UNC5C: variants seen among roughly 807,000 people sequenced by gnomAD.
The protein encoded by UNC5C is netrin receptor UNC5C.
A neutral mutation model predicts 99.8 loss-of-function variants in UNC5C; 47 were observed. The observed-to-expected ratio is 0.47, with a 90% confidence interval of 0.37 to 0.60. UNC5C has a LOEUF of 0.60. Ranked by LOEUF, UNC5C falls within the 20% of genes least tolerant of loss-of-function variation. The pLI, the probability that UNC5C is intolerant of heterozygous loss-of-function variation, is 0.00. For synonymous variants in UNC5C, 487 were observed against 452.2 expected (o/e 1.08, Z -0.98); for missense variants, 1,062 against 1,165.9 (o/e 0.91, Z 1.30).
intron 6 of UNC5C, among the ~76,000 whole-genome samples, chr4:95,243,803 G>A: frequency 6.6e-6 from 1 of 152,108 alleles, no homozygotes; most frequent in Non-Finnish European, 1.5e-5. Flanking sequence ...CATTTGCTTT[G>A]ACCTGCACCA....
At chr4:95,188,300 C>T (rs528843485) in intron 12 of UNC5C, among the ~76,000 whole-genome samples, 6 of 152,050 alleles carry the variant, frequency 3.9e-5, no homozygotes, top group African/African-American at 1.4e-4. Context: ...GGTATCGTTG[C>T]ACTAAAGACG....
intron 1 of UNC5C, among the ~76,000 whole-genome samples, chr4:95,377,037 T>C (rs1744916221): frequency 1.3e-5 from 2 of 152,206 alleles, no homozygotes; most frequent in Admixed American, 6.5e-5. Flanking sequence ...CACACTGGTA[T>C]AGGGAAATCA....
intron 1 of UNC5C, among the ~76,000 whole-genome samples, chr4:95,378,138 T>C (rs1267086360): frequency 6.6e-6 from 1 of 152,176 alleles, no homozygotes; most frequent in East Asian, 1.9e-4. Flanking sequence ...GAGTATCCTT[T>C]CATGGACAGG....
intron 2 of UNC5C, among the ~76,000 whole-genome samples, chr4:95,328,618 C>G (rs1042227399): frequency 2.1e-5 from 3 of 143,404 alleles, no homozygotes; most frequent in African/African-American, 7.6e-5. Context: ...ATTTCTAGTT[C>G]TAGATCCCTG....
At chr4:95,179,746 CAAAAAAA>C (rs33974336) in intron 14 of UNC5C, among the ~76,000 whole-genome samples, 22 of 98,500 alleles carry the variant, frequency 2.2e-4, no homozygotes, top group Non-Finnish European at 2.2e-4. Context: ...GACTCCTTCT[CAAAAAAA>C]AAAAAAAAAA....
rs560566568 is a variant in UNC5C, at chr4:95,381,743, T to C, written c.125-46112A>G. On this transcript the variant is annotated intron_variant, in intron 1 of 15. Transcript: ENST00000453304. ...ATGTATTGCATATACATTGATTAAA[T>C]GGCAATGTAAGTGCTTAGATTAAAA... Among the ~76,000 whole-genome samples the C allele has an allele frequency of 2.0e-5, 3 of 152,306 alleles. No individual in the cohort carries two copies. In the East Asian group the frequency reaches 5.8e-4, roughly 29 times the overall value.
At chr4:95,203,552 C>G (rs181592243) in intron 11 of UNC5C, among the ~76,000 whole-genome samples, 50 of 152,258 alleles carry the variant, frequency 3.3e-4, no homozygotes, top group African/African-American at 1.1e-3. Context: ...CCACTGCAAC[C>G]TCCGTCCCCT....
chr4:95,518,193 G>C (rs1330948032), intron 1 of UNC5C, among the ~76,000 whole-genome samples: 1 of 152,050 alleles, frequency 6.6e-6, no homozygotes, highest in Non-Finnish European at 1.5e-5. Flanking sequence ...TTTATGTTTG[G>C]CCTATGTGTC....
At chr4:95,201,822 T>C (rs1054569327) in intron 12 of UNC5C, among the ~76,000 whole-genome samples, 16 of 152,132 alleles carry the variant, frequency 1.1e-4, no homozygotes, top group Admixed American at 6.5e-4. Flanking sequence ...GCCAGGATGG[T>C]CTTGATCTCC....
intron 1 of UNC5C, among the ~76,000 whole-genome samples, chr4:95,377,859 A>G (rs1375584297): frequency 6.6e-6 from 1 of 152,150 alleles, no homozygotes; most frequent in Non-Finnish European, 1.5e-5. Flanking sequence ...AAAGAGTTAG[A>G]CAATATGTAT....
intron 1 of UNC5C, among the ~76,000 whole-genome samples, chr4:95,508,875 T>C (rs1357393524): frequency 6.6e-6 from 1 of 152,062 alleles, no homozygotes; most frequent in Admixed American, 6.6e-5. Flanking sequence ...AGTAAACATC[T>C]TCTTTCTTCC....
chr4:95,242,951 G>T (rs907566231), intron 6 of UNC5C, among the ~76,000 whole-genome samples: 3 of 152,126 alleles, frequency 2.0e-5, no homozygotes, highest in Non-Finnish European at 4.4e-5. Context: ...GCTCTCTTTG[G>T]ATCCAGGATT....
intron 3 of UNC5C, among the ~76,000 whole-genome samples, chr4:95,288,250 T>G (rs1393596643): frequency 6.6e-6 from 1 of 151,744 alleles, no homozygotes; most frequent in East Asian, 1.9e-4. Context: ...GCCTGGCTAA[T>G]TTTTTTGTAT....
chr4:95,380,473 T>C (rs1745038791), intron 1 of UNC5C, among the ~76,000 whole-genome samples: 1 of 148,274 alleles, frequency 6.7e-6, no homozygotes, highest in African/African-American at 2.5e-5. Context: ...AGAGACTAGG[T>C]CTCACTGTGT....
intron 1 of UNC5C, among the ~76,000 whole-genome samples, chr4:95,511,174 G>T (rs1012408192): frequency 6.6e-6 from 1 of 152,138 alleles, no homozygotes; most frequent in African/African-American, 2.4e-5. Context: ...TGCTGACCTT[G>T]TCAAATTAGC....
intron 1 of UNC5C, among the ~76,000 whole-genome samples, chr4:95,512,215 G>A (rs1039409382): frequency 2.6e-5 from 4 of 152,024 alleles, no homozygotes; most frequent in African/African-American, 9.7e-5. Flanking sequence ...GGGAACACAC[G>A]AAAATTGTGC....
chr4:95,344,185 C>T (rs1009663737), intron 1 of UNC5C, among the ~76,000 whole-genome samples: 1 of 151,844 alleles, frequency 6.6e-6, no homozygotes, highest in African/African-American at 2.4e-5. Context: ...AAAAAAGGAT[C>T]CTAAACGCAG....
intron 6 of UNC5C, among the ~76,000 whole-genome samples, chr4:95,243,158 TCTG>T (rs1262193527): frequency 2.6e-5 from 4 of 152,222 alleles, no homozygotes; most frequent in African/African-American, 9.6e-5. Context: ...CCTGCTTGAT[TCTG>T]CTGAAACCTG....
chr4:95,542,218 C>T (rs935885213), intron 1 of UNC5C, among the ~76,000 whole-genome samples: 3 of 152,154 alleles, frequency 2.0e-5, no homozygotes, highest in South Asian at 2.1e-4. Context: ...CTCTAACAGG[C>T]ATATCTATAT....
Sources: allele counts gnomAD v4.1 joint callset (sites outside exome capture counted in the v4.1 genomes callset), GRCh38; gene constraint gnomAD v4.1.1; transcripts MANE v1.5; gene names NCBI Gene and HGNC (gene_info 2026-07-23, HGNC 2026-07-21).